Variants in C4orf33 observed in about 807,000 individuals in gnomAD.
C4orf33 encodes the protein UPF0462 protein C4orf33.
Under a neutral mutation model 24.3 loss-of-function variants are expected in C4orf33, and 20 were observed. The observed-to-expected ratio is 0.82, with a 90% CI of 0.58 to 1.19. The LOEUF (loss-of-function observed/expected upper bound fraction) is 1.19, where lower values mean the gene tolerates loss of function less well. Ranked by LOEUF, C4orf33 falls within the 50% of genes most tolerant of loss-of-function variation. The probability of loss-of-function intolerance (pLI) is 0.00; values close to 1 mark genes in which losing one functional copy is unlikely to be tolerated. For synonymous variants in C4orf33, 67 were observed against 76.4 expected (o/e 0.88, Z 0.64); for missense variants, 207 against 225.9 (o/e 0.92, Z 0.54).
At chr4:129,107,201 T>G (rs1418322667) in intron 3 of C4orf33, among the ~76,000 whole-genome samples, 8 of 151,962 alleles carry the variant, frequency 5.3e-5, no homozygotes, top group African/African-American at 1.9e-4. Context: ...TGCCAGGGTT[T>G]AAAAACTAAA....
intron 2 of C4orf33, among the ~76,000 whole-genome samples, chr4:129,103,746 A>G (rs1561088984): frequency 6.6e-6 from 1 of 152,200 alleles, no homozygotes; most frequent in Non-Finnish European, 1.5e-5. Flanking sequence ...TTGGGCCACC[A>G]TATTCAACCA....
intron 1 of C4orf33, among the ~76,000 whole-genome samples, chr4:129,097,130 A>C (rs1350674838): frequency 6.6e-6 from 1 of 152,152 alleles, no homozygotes; most frequent in African/African-American, 2.4e-5. Context: ...GATGGTCTCG[A>C]TCTCCTGACC....
chr4:129,102,232 A>G (rs1753376692), intron 1 of C4orf33: 3 of 157,042 alleles, frequency 1.9e-5, no homozygotes, highest in Non-Finnish European at 4.2e-5. Flanking sequence ...CTTAATTACA[A>G]TTAAAAAAAT....
At chr4:129,108,989 C>G (rs538807690) in intron 3 of C4orf33, among the ~76,000 whole-genome samples, 1 of 152,098 alleles carries the variant, frequency 6.6e-6, no homozygotes, top group Non-Finnish European at 1.5e-5. Context: ...CGGGTTCAAG[C>G]GATTCCCCTG....
Position 129,112,071 on chromosome 4 carries a change from A to T in C4orf33, c.*280A>T, listed in dbSNP as rs1163337257. The T allele has an allele frequency of 8.7e-6, 2 of 228,706 alleles. No homozygotes were observed. Among genetic ancestry groups the T allele is most frequent in the African/African-American group, 4.6e-5 (2 of 43,878 alleles). The allele number at this position is 228,706 out of a possible 1,614,324, so 14.2% of individuals were successfully genotyped here. ...CACAGTACAGTTATTCTTGAAAACT[A>T]CAAGTGAAAAAGGGGGAACAATTGA... On this transcript the variant is annotated 3_prime_UTR_variant, in exon 6 of 6. Transcript: ENST00000425929.
chr4:129,099,131 G>A (rs895377641), intron 1 of C4orf33, among the ~76,000 whole-genome samples: 1 of 152,006 alleles, frequency 6.6e-6, no homozygotes. Flanking sequence ...GTTTTTATAT[G>A]ATTTTGATTT....
Position 129,114,609 on chromosome 4 carries a change from A to C in C4orf33, c.*2818A>C, listed in dbSNP as rs1753746298. ...CCCTAGAAAGCCGTTCGTCAGGATG[A>C]GAATCTAGAATTGTATCACAGGGCA... On this transcript the variant is annotated 3_prime_UTR_variant, in exon 6 of 6. Transcript: ENST00000425929. 1 of 152,220 alleles carries C rather than the reference A, an allele frequency of 6.6e-6. No homozygotes were observed. The highest frequency in any genetic ancestry group is 6.5e-5 in the Admixed American group (1 of 15,276). The allele number at this position is 152,220 out of a possible 1,614,324, so 9.4% of individuals were successfully genotyped here.
upstream of C4orf33, chr4:129,096,051 C>T (rs1753194622): frequency 6.6e-6 from 1 of 152,136 alleles, no homozygotes. Flanking sequence ...ATGTGTGGCC[C>T]TTCAACATCT....
At chr4:129,109,828 A>T (rs1227720297) in intron 5 of C4orf33, 156 bp downstream of exon 5, 8 of 913,426 alleles carry the variant, frequency 8.8e-6, no homozygotes, top group Non-Finnish European at 1.3e-5. Flanking sequence ...CTCAGAAAAT[A>T]CTTGGAAAAC....
chr4:129,105,705 G>A (rs1580012498), intron 2 of C4orf33, among the ~76,000 whole-genome samples: 1 of 152,084 alleles, frequency 6.6e-6, no homozygotes. Context: ...CATAGAAAAG[G>A]TCTGGCAGGT....
In C4orf33 at chr4:129,113,011, T is replaced by A. The variant is rs1178869920; in HGVS notation, c.*1220T>A. The stretch of plus-strand genomic sequence containing the variant: ...TTTATTTATAAATTACCTGAATAAT[T>A]TTATAAATGCATATAAAACTATCAA... On this transcript the variant is annotated 3_prime_UTR_variant, in exon 6 of 6. Transcript: ENST00000425929. 3 of 150,300 alleles carry A rather than the reference T, an allele frequency of 2.0e-5. No homozygotes were observed. The highest frequency in any genetic ancestry group is 6.7e-5 in the Admixed American group (1 of 14,864). 9.3% of individuals were successfully genotyped at this position (150,300 alleles called of 1,614,324 possible).
At position 129,107,359 on chromosome 4, in the gene C4orf33, C is replaced by T. The variant is rs1293470384; in HGVS notation, c.242+712C>T. ...TGTACACCTATTATCTAAATTATAG[C>T]ACATTTAAAATTAATAAAGTATTTA... On this transcript the variant is annotated intron_variant, in intron 3 of 5. Coordinates refer to ENST00000425929, the MANE Select transcript of C4orf33 (RefSeq NM_001099783.2). Among the ~76,000 whole-genome samples the T allele has an allele frequency of 2.0e-5, 3 of 151,924 alleles. No homozygotes were observed. In the East Asian group the frequency reaches 5.8e-4, roughly 29 times the overall value.
rs1580021830 is a variant in C4orf33 at position 129,113,059 on chromosome 4, G to C, written c.*1268G>C. 1 of 151,976 alleles carries C rather than the reference G, an allele frequency of 6.6e-6. No individual in the cohort carries two copies. Among genetic ancestry groups the C allele is most frequent in the African/African-American group, 2.4e-5 (1 of 41,384 alleles). 9.4% of individuals were successfully genotyped at this position (151,976 alleles called of 1,614,324 possible). A position where few individuals can be genotyped will look rare whatever the true frequency, so the allele number is the denominator to read the frequency against. On this transcript the variant is annotated 3_prime_UTR_variant, in exon 6 of 6. Transcript: ENST00000425929. ...CAAAATAAAAACAAGATATATTTTA[G>C]AGCATCTTGATTTTAGAAGCGAATC... is the stretch of plus-strand genomic sequence containing the variant.
chr4:129,098,755 G>A (rs1357256347), intron 1 of C4orf33, among the ~76,000 whole-genome samples: 2 of 152,226 alleles, frequency 1.3e-5, no homozygotes, highest in East Asian at 3.8e-4. Flanking sequence ...TAAATAAGGG[G>A]TGGGTTATTC....
chr4:129,112,446 G>A lies in C4orf33; in HGVS notation c.*655G>A, dbSNP rs547228056. 2.0e-5 allele frequency: 3 copies of A among 152,162 alleles called. No homozygotes were observed. The highest frequency in any genetic ancestry group is 2.9e-5 in the Non-Finnish European group (2 of 68,022). 9.4% of individuals were successfully genotyped at this position (152,162 alleles called of 1,614,324 possible). A position where few individuals can be genotyped will look rare whatever the true frequency, so the allele number is the denominator to read the frequency against. ...ATATTTGATGATAGATACCAGAACA[G>A]TGGCTGCTTAGAGTGAGGGCAGGGA... On this transcript the variant is annotated 3_prime_UTR_variant, in exon 6 of 6. Coordinates refer to ENST00000425929, the MANE Select transcript of C4orf33 (RefSeq NM_001099783.2).
Position 129,115,820 on chromosome 4 carries a change from A to ATATAATATATATGTTTATATAT in C4orf33, c.*4033_*4034insATATATATGTTTATATATTATA, listed in dbSNP as rs1753767308. 1.1e-5 allele frequency: 1 copy of ATATAATATATATGTTTATATAT among 94,256 alleles called. No individual in the cohort carries two copies. Among genetic ancestry groups the ATATAATATATATGTTTATATAT allele is most frequent in the African/African-American group, 3.6e-5 (1 of 27,646 alleles). The allele number at this position is 94,256 out of a possible 1,614,324, so 5.8% of individuals were successfully genotyped here. ...TAACTAAATATATATATATATATAT[A>ATATAATATATATGTTTATATAT]TATATATATAAAATATATATGTTTA... On this transcript the variant is annotated 3_prime_UTR_variant, in exon 6 of 6. Transcript: ENST00000425929.
At chr4:129,106,215 G>T (rs1753512397) in intron 2 of C4orf33, among the ~76,000 whole-genome samples, 1 of 152,032 alleles carries the variant, frequency 6.6e-6, no homozygotes, top group South Asian at 2.1e-4. Context: ...TTTTTGAACA[G>T]TACTCTAATG....
upstream of C4orf33, among the ~76,000 whole-genome samples, chr4:129,094,744 G>A (rs1481682499): frequency 1.3e-5 from 2 of 152,106 alleles, no homozygotes; most frequent in African/African-American, 4.8e-5. Context: ...ATTTTTAGTA[G>A]CTATAACGTT....
chr4:129,094,178 C>G (rs913697684), upstream of C4orf33: 7 of 152,134 alleles, frequency 4.6e-5, no homozygotes, highest in African/African-American at 1.7e-4. Context: ...AAGCTTGTTT[C>G]CTCAAATATA....
Sources: gnomAD v4.1 joint callset for allele counts (sites outside exome capture counted in the v4.1 genomes callset) on GRCh38, gnomAD v4.1.1 for gene constraint, MANE v1.5 for transcripts, NCBI Gene and HGNC (gene_info 2026-07-23, HGNC 2026-07-21) for gene names.